PLCB1: variants seen among roughly 807,000 people sequenced by gnomAD.
The protein encoded by PLCB1 is phospholipase C beta 1.
A neutral mutation model predicts 161.8 loss-of-function variants in PLCB1; 46 were observed. The ratio of observed to expected loss-of-function variants is 0.28; its 90% CI spans 0.22 to 0.36. The LOEUF (loss-of-function observed/expected upper bound fraction) is 0.36, where lower values mean the gene tolerates loss of function less well. Among genes scored for constraint, PLCB1 ranks in the 10% least tolerant of loss-of-function variants. The probability of loss-of-function intolerance (pLI) is 1.00; values close to 1 mark genes in which losing one functional copy is unlikely to be tolerated. For missense variants in PLCB1, 1,016 were observed against 1,472.5 expected (o/e 0.69, Z 5.07); for synonymous variants, 517 against 503.7 (o/e 1.03, Z -0.35).
At chr20:8,881,535 T>G (rs1214582124) in intron 31 of PLCB1, 87 bp from the exon 32 acceptor site, 5 of 957,684 alleles carry the variant, frequency 5.2e-6, no homozygotes, top group Non-Finnish European at 8.3e-6. Context: ...TCAGCCCCTT[T>G]TGTATATCTC....
chr20:8,616,880 AAT>A (rs1988053608), intron 3 of PLCB1, among the ~76,000 whole-genome samples: 1 of 152,144 alleles, frequency 6.6e-6, no homozygotes, highest in Non-Finnish European at 1.5e-5. Context: ...ATTCCCCAAG[AAT>A]AGTTTGTATC....
intron 3 of PLCB1, among the ~76,000 whole-genome samples, chr20:8,424,906 C>T (rs1343054098): frequency 2.0e-5 from 3 of 152,170 alleles, no homozygotes; most frequent in Non-Finnish European, 4.4e-5. Context: ...CAAGCAGCAG[C>T]TCAGGGGCCC....
intron 3 of PLCB1, among the ~76,000 whole-genome samples, chr20:8,381,632 G>A (rs1987256527): frequency 6.6e-6 from 1 of 152,172 alleles, no homozygotes. Context: ...CTTGTTATTG[G>A]TCTATTCATG....
intron 3 of PLCB1, among the ~76,000 whole-genome samples, chr20:8,572,317 G>A (rs1380128889): frequency 1.3e-5 from 2 of 152,166 alleles, no homozygotes; most frequent in Non-Finnish European, 2.9e-5. Context: ...GGAAGGACTG[G>A]AAAGAAGGGG....
In PLCB1 at chr20:8,257,644, A is replaced by C. The variant is rs1479642110; in HGVS notation, c.177+107273A>C. Among the ~76,000 whole-genome samples, 15 of 152,296 alleles carry C rather than the reference A, an allele frequency of 9.8e-5. No homozygotes were observed. The East Asian group carries it at 2.7e-3, about 28-fold the overall frequency. On this transcript the variant is annotated intron_variant, in intron 2 of 31. Transcript: ENST00000338037. ...TCACAGGGTGATTGTGAGAATTCCG[A>C]AAGTCAGTATGTGTGGAATACACAG...
In PLCB1 at chr20:8,663,265, G is replaced by T. The variant is rs559075865; in HGVS notation, c.862+4561G>T. Among the ~76,000 whole-genome samples the T allele has an allele frequency of 2.0e-5, 3 of 151,736 alleles. No individual in the cohort carries two copies. In the East Asian group the frequency reaches 5.8e-4, roughly 29 times the overall value. On this transcript the variant is annotated intron_variant, in intron 9 of 31. Coordinates refer to ENST00000338037, the MANE Select transcript of PLCB1 (RefSeq NM_015192.4). Reference sequence around the variant, plus strand: ...ACACATACACAGAGACACACACACAGTCTCTGATATCAATAAACATATCTT... The same window carrying T: ...ACACATACACAGAGACACACACACATTCTCTGATATCAATAAACATATCTT...
intron 3 of PLCB1, among the ~76,000 whole-genome samples, chr20:8,390,768 G>A (rs2745753): frequency 0.38 from 57,101 of 151,754 alleles, 10,980 homozygotes; most frequent in South Asian, 0.49. Context: ...TTTGTGTATT[G>A]CAAGTGCCTA....
intron 2 of PLCB1, among the ~76,000 whole-genome samples, chr20:8,155,714 T>A (rs1238245027): frequency 2.0e-5 from 3 of 152,214 alleles, no homozygotes; most frequent in Non-Finnish European, 4.4e-5. Flanking sequence ...TTGTCAACTT[T>A]GACCCTTCTT....
At chr20:8,264,374 A>C (rs1015008173) in intron 2 of PLCB1, among the ~76,000 whole-genome samples, 7 of 152,254 alleles carry the variant, frequency 4.6e-5, no homozygotes, top group Admixed American at 4.6e-4. Flanking sequence ...TTTACAGTTA[A>C]TTTTTTTCTT....
intron 3 of PLCB1, among the ~76,000 whole-genome samples, chr20:8,544,099 C>A (rs911905615): frequency 9.2e-5 from 14 of 152,150 alleles, no homozygotes; most frequent in Non-Finnish European, 1.9e-4. Flanking sequence ...CAGGTTCAAT[C>A]ACACCCCAAA....
intron 24 of PLCB1, among the ~76,000 whole-genome samples, chr20:8,760,157 G>A (rs912869955): frequency 3.3e-5 from 5 of 151,934 alleles, no homozygotes; most frequent in Admixed American, 2.0e-4. Context: ...CGCCTGCCTC[G>A]GCCTCCCAAA....
intron 2 of PLCB1, among the ~76,000 whole-genome samples, chr20:8,348,641 T>C (rs1224766655): frequency 6.6e-6 from 1 of 152,216 alleles, no homozygotes; most frequent in African/African-American, 2.4e-5. Context: ...CCTGGTCTCC[T>C]ACCTCCAGGC....
intron 1 of PLCB1, among the ~76,000 whole-genome samples, chr20:8,133,715 G>A (rs2051315885): frequency 6.6e-6 from 1 of 152,144 alleles, no homozygotes; most frequent in Admixed American, 6.5e-5. Flanking sequence ...TCATTCTAAA[G>A]GTTCGATAAG....
intron 2 of PLCB1, among the ~76,000 whole-genome samples, chr20:8,272,984 G>A (rs1253305716): frequency 6.6e-6 from 1 of 152,066 alleles, no homozygotes; most frequent in East Asian, 1.9e-4. Context: ...ATTTTCAGTG[G>A]ATGTACTCAT....
chr20:8,469,316 A>C (rs903187111), intron 3 of PLCB1, among the ~76,000 whole-genome samples: 1 of 152,188 alleles, frequency 6.6e-6, no homozygotes, highest in Non-Finnish European at 1.5e-5. Flanking sequence ...GTATGCTTAG[A>C]TACGCTAATT....
At chr20:8,857,344 A>AATTT (rs550978565) in intron 31 of PLCB1, among the ~76,000 whole-genome samples, 92 of 152,340 alleles carry the variant, frequency 6.0e-4, no homozygotes, top group Admixed American at 1.7e-3. Flanking sequence ...ACTAATGAAA[A>AATTT]AAATTTAAAT....
intron 3 of PLCB1, among the ~76,000 whole-genome samples, chr20:8,585,802 T>G (rs183877285): frequency 6.6e-6 from 1 of 152,322 alleles, no homozygotes. Flanking sequence ...TAGTATCTTT[T>G]TATAAACTCA....
chr20:8,861,455 C>G (rs1987250321), intron 31 of PLCB1, among the ~76,000 whole-genome samples: 1 of 152,074 alleles, frequency 6.6e-6, no homozygotes, highest in South Asian at 2.1e-4. Context: ...AATCCCAGCA[C>G]TTTGAGAGGC....
chr20:8,515,178 G>A, intron 3 of PLCB1, among the ~76,000 whole-genome samples: 1 of 152,192 alleles, frequency 6.6e-6, no homozygotes, highest in Admixed American at 6.5e-5. Context: ...CCTGGAGGAA[G>A]AGCTTCCCAC....
Sources: gnomAD v4.1 joint callset for allele counts (sites outside exome capture counted in the v4.1 genomes callset) on GRCh38, gnomAD v4.1.1 for gene constraint, MANE v1.5 for transcripts, NCBI Gene and HGNC (gene_info 2026-07-23, HGNC 2026-07-21) for gene names.